Variants in ARRB1 observed in about 807,000 individuals in gnomAD.
ARRB1 encodes the protein arrestin beta 1.
In ARRB1, 21 loss-of-function variants were observed where a neutral mutation model predicts 56.8. The observed-to-expected ratio is 0.37, with a 90% CI of 0.26 to 0.53. ARRB1 has a LOEUF of 0.53. ARRB1 is among the 20% of genes least tolerant of loss of function. The probability of loss-of-function intolerance (pLI) is 0.88; values close to 1 mark genes in which losing one functional copy is unlikely to be tolerated. For missense variants in ARRB1, 424 were observed against 553.7 expected (o/e 0.77, Z 2.35); for synonymous variants, 210 against 218.6 (o/e 0.96, Z 0.35).
intron 1 of ARRB1, among the ~76,000 whole-genome samples, chr11:75,312,861 C>T (rs1452547090): frequency 6.6e-6 from 1 of 152,212 alleles, no homozygotes; most frequent in East Asian, 1.9e-4. Context: ...GGAATGGATC[C>T]CCGCTAGAGT....
At chr11:75,267,368 C>T (rs946959720) in intron 15 of ARRB1, among the ~76,000 whole-genome samples, 4 of 152,114 alleles carry the variant, frequency 2.6e-5, no homozygotes, top group Admixed American at 6.5e-5. Context: ...CTGTGTGAGC[C>T]GAGCAGGCGC....
chr11:75,279,256 A>T (rs2140418351), intron 7 of ARRB1, among the ~76,000 whole-genome samples: 1 of 152,318 alleles, frequency 6.6e-6, no homozygotes, highest in African/African-American at 2.4e-5. Flanking sequence ...TGCAGAGGGG[A>T]CAGCGGTCTC....
chr11:75,308,562 G>A (rs1375110484), intron 1 of ARRB1, among the ~76,000 whole-genome samples: 1 of 152,114 alleles, frequency 6.6e-6, no homozygotes, highest in African/African-American at 2.4e-5. Context: ...TGGCCAACAT[G>A]GTGAAACCCT....
At chr11:75,307,042 G>T (rs1425057872) in intron 1 of ARRB1, among the ~76,000 whole-genome samples, 2 of 152,146 alleles carry the variant, frequency 1.3e-5, no homozygotes, top group East Asian at 3.9e-4. Flanking sequence ...GTCCATCAGA[G>T]GATCCCATAC....
intron 11 of ARRB1, among the ~76,000 whole-genome samples, chr11:75,273,208 C>T (rs1278396741): frequency 1.3e-5 from 2 of 152,184 alleles, no homozygotes; most frequent in East Asian, 3.9e-4. Flanking sequence ...CACTGTGTGG[C>T]CCTGCTGAGC....
intron 1 of ARRB1, among the ~76,000 whole-genome samples, chr11:75,291,606 C>T (rs1484476162): frequency 6.6e-6 from 1 of 152,132 alleles, no homozygotes; most frequent in African/African-American, 2.4e-5. Context: ...GAGCCTGAGA[C>T]CCCCTTCCCT....
At chr11:75,326,464 A>G (rs1024070456) in intron 1 of ARRB1, among the ~76,000 whole-genome samples, 2 of 152,208 alleles carry the variant, frequency 1.3e-5, no homozygotes, top group African/African-American at 2.4e-5. Flanking sequence ...TTCTCATAAT[A>G]AAAATTTTGT....
chr11:75,312,279 G>T, intron 1 of ARRB1: 1 of 625,406 alleles, frequency 1.6e-6, no homozygotes. Context: ...GAGAAGAGGC[G>T]TCAGGGACAG....
intron 1 of ARRB1, among the ~76,000 whole-genome samples, chr11:75,326,800 T>C (rs1235736714): frequency 2.7e-5 from 4 of 146,258 alleles, no homozygotes; most frequent in Admixed American, 1.4e-4. Context: ...CATGGCTCAC[T>C]ACAGCTTCAA....
intron 1 of ARRB1, among the ~76,000 whole-genome samples, chr11:75,312,546 C>T (rs373747534): frequency 9.2e-5 from 14 of 152,190 alleles, no homozygotes; most frequent in South Asian, 2.1e-4. Context: ...AACAGCCCCC[C>T]GAGATGCCCA....
chr11:75,314,781 A>AT (rs1303078463), intron 1 of ARRB1, among the ~76,000 whole-genome samples: 1 of 150,770 alleles, frequency 6.6e-6, no homozygotes, highest in Non-Finnish European at 1.5e-5. Flanking sequence ...TCATTTTTGT[A>AT]TTTTTTGTAG....
intron 1 of ARRB1, among the ~76,000 whole-genome samples, chr11:75,325,989 T>C (rs1307668490): frequency 2.0e-5 from 3 of 152,142 alleles, no homozygotes; most frequent in Admixed American, 2.0e-4. Context: ...CAGGCTGACC[T>C]CTCCCATGAC....
At chr11:75,270,741 A>G (rs888718839) in intron 13 of ARRB1, among the ~76,000 whole-genome samples, 2 of 152,158 alleles carry the variant, frequency 1.3e-5, no homozygotes, top group Non-Finnish European at 2.9e-5. Flanking sequence ...GGTTACAGTG[A>G]ACCAAGTTTG....
chr11:75,274,279 C>A lies in ARRB1; in HGVS notation c.777-68G>T, dbSNP rs867213365. 1.4e-5 allele frequency: 22 copies of A among 1,585,142 alleles called. No homozygotes were observed. In the Middle Eastern group the frequency reaches 5.1e-4, roughly 37 times the overall value. ...GCCAACCCCAGCCCTGATCTCCAGC[C>A]CAGCAGAATATCTAGTCTGAGCCTG... On this transcript the variant is annotated intron_variant, in intron 10 of 15. Coordinates refer to ENST00000420843, the MANE Select transcript of ARRB1 (RefSeq NM_004041.5).
intron 6 of ARRB1, 156 bp downstream of exon 6, chr11:75,281,806 C>T: frequency 1.4e-6 from 1 of 707,750 alleles, no homozygotes; most frequent in South Asian, 1.8e-5. Flanking sequence ...TGAAGAGAGA[C>T]TGGTTGTCCA....
chr11:75,334,086 C>T (rs1591985291), intron 1 of ARRB1, among the ~76,000 whole-genome samples: 1 of 152,308 alleles, frequency 6.6e-6, no homozygotes, highest in Non-Finnish European at 1.5e-5. Context: ...AATCCCAGCA[C>T]TTTGGGAGGC....
At position 75,337,074 on chromosome 11, in the gene ARRB1, G is replaced by A. The variant is rs981370376; in HGVS notation, c.20+14514C>T. ...TATTCAGGAAATGCGTGAAGGGAGA[G>A]AGGGAGATCTAAGCCTTATTTAATT... On this transcript the variant is annotated intron_variant, in intron 1 of 15. Transcript: ENST00000420843. Among the ~76,000 whole-genome samples, 148 of 152,354 alleles carry A rather than the reference G, an allele frequency of 9.7e-4. 2 individuals are homozygous for A. Among genetic ancestry groups the A allele is most frequent in the Non-Finnish European group, 2.1e-4 (14 of 68,036 alleles).
intron 1 of ARRB1, among the ~76,000 whole-genome samples, chr11:75,297,909 C>T (rs1344760607): frequency 8.3e-6 from 1 of 120,462 alleles, no homozygotes; most frequent in African/African-American, 3.2e-5. Context: ...GGACCAAAGA[C>T]CTAAATGTAA....
At position 75,274,063 on chromosome 11, in the gene ARRB1, C is replaced by T; in HGVS notation, c.914+11G>A. 6.2e-7 allele frequency: 1 copy of T among 1,614,120 alleles called. No homozygotes were observed. Among genetic ancestry groups the T allele is most frequent in the Non-Finnish European group, 8.5e-7 (1 of 1,179,976 alleles). On this transcript the variant is annotated intron_variant, in intron 11 of 15. Transcript: ENST00000420843. ...CACTAGGAGCCCAGGGCTAGGAGGG[C>T]AGGTCCTCACAGGGTGCTAGAGGCC...
Sources: gnomAD v4.1 joint callset for allele counts (sites outside exome capture counted in the v4.1 genomes callset) on GRCh38, gnomAD v4.1.1 for gene constraint, MANE v1.5 for transcripts, NCBI Gene and HGNC (gene_info 2026-07-23, HGNC 2026-07-21) for gene names.